The following ICE2 variants were observed in gnomAD, a reference collection of about 807,000 sequenced individuals.
ICE2 encodes the protein interactor of little elongation complex ELL subunit 2.
A neutral mutation model predicts 105.4 loss-of-function variants in ICE2; 87 were observed. That is an observed-to-expected ratio of 0.83 (90% CI 0.69 to 0.99). The LOEUF (loss-of-function observed/expected upper bound fraction) is 0.99, where lower values mean the gene tolerates loss of function less well. Among genes scored for constraint, ICE2 ranks in the 50% least tolerant of loss-of-function variants. The probability of loss-of-function intolerance (pLI) is 0.00; values close to 1 mark genes in which losing one functional copy is unlikely to be tolerated. For synonymous variants in ICE2, 399 were observed against 392.0 expected (o/e 1.02, Z -0.21); for missense variants, 1,323 against 1,146.7 (o/e 1.15, Z -2.22).
intron 15 of ICE2, among the ~76,000 whole-genome samples, chr15:60,424,445 T>C (rs1432335977): frequency 1.3e-4 from 1 of 7,420 alleles, no homozygotes; most frequent in Admixed American, 1.8e-3. Context: ...TTGCTGTGGT[T>C]CTACCTTCAA....
chr15:60,439,341 T>C (rs1212172803), intron 12 of ICE2: 1 of 152,238 alleles, frequency 6.6e-6, no homozygotes, highest in East Asian at 1.9e-4. Context: ...TGTTACCTTC[T>C]TGCACAATTT....
chr15:60,445,339 A>AC (rs1377025204), intron 11 of ICE2, among the ~76,000 whole-genome samples: 2 of 151,958 alleles, frequency 1.3e-5, no homozygotes, highest in Non-Finnish European at 2.9e-5. Flanking sequence ...CAACAATATC[A>AC]CCCCCTCACC....
intron 9 of ICE2, among the ~76,000 whole-genome samples, chr15:60,450,447 T>C (rs1310199169): frequency 6.6e-6 from 1 of 152,198 alleles, no homozygotes; most frequent in African/African-American, 2.4e-5. Context: ...AAATATTGTT[T>C]TTCATGTACT....
At chr15:60,471,323 C>G (rs1202132165) in intron 3 of ICE2, among the ~76,000 whole-genome samples, 1 of 152,180 alleles carries the variant, frequency 6.6e-6, no homozygotes, top group Non-Finnish European at 1.5e-5. Context: ...TGAACATTAA[C>G]TGCTGATCTT....
At position 60,448,089 on chromosome 15, in the gene ICE2, G is replaced by A. The variant is rs897727891; in HGVS notation, c.2176C>T (p.Gln726Ter). ...AACTTATAAACAAAATTTCCTTCCT[G>A]AGGAGCTAGGTATTCCGATGTATCT... is the stretch of plus-strand genomic sequence containing the variant. ...VEDTSEYLAP[Q>*]EGNFVYKLFS... The change falls in exon 11 of 16, where the codon CAG (glutamine) becomes TAG (stop). Residue 726 changes from glutamine to a stop codon, truncating the protein, a stop_gained. Coordinates refer to ENST00000261520, the MANE Select transcript of ICE2 (RefSeq NM_024611.6). LOFTEE classifies it high-confidence loss of function. The A allele has an allele frequency of 6.2e-7, 1 of 1,613,112 alleles. No individual in the cohort carries two copies. Among genetic ancestry groups the A allele is most frequent in the East Asian group, 2.2e-5 (1 of 44,868 alleles).
intron 14 of ICE2, among the ~76,000 whole-genome samples, chr15:60,431,495 C>T (rs551798471): frequency 1.3e-5 from 2 of 152,270 alleles, no homozygotes; most frequent in South Asian, 4.1e-4. Flanking sequence ...GAAAGAGCCA[C>T]AAGTCAACGA....
At chr15:60,438,471 T>C (rs1194761331) in intron 12 of ICE2, 2 of 152,190 alleles carry the variant, frequency 1.3e-5, no homozygotes, top group East Asian at 1.9e-4. Context: ...ACCTACTTAT[T>C]ATATGTAACA....
At position 60,423,575 on chromosome 15, in the gene ICE2, A is replaced by T; in HGVS notation, c.*59T>A. On this transcript the variant is annotated 3_prime_UTR_variant, in exon 16 of 16. Transcript: ENST00000261520. ...CTACTGATTATTTTCCCTCAAACTT[A>T]TCTAAATTAAACACTGTTATAACTG... 1 of 1,478,836 alleles carries T rather than the reference A, an allele frequency of 6.8e-7. No individual in the cohort carries two copies. The highest frequency in any genetic ancestry group is 9.0e-7 in the Non-Finnish European group (1 of 1,106,840). 91.6% of individuals were successfully genotyped at this position (1,478,836 alleles called of 1,614,324 possible).
intron 1 of ICE2, chr15:60,478,471 G>A (rs940637576): frequency 2.2e-5 from 4 of 178,244 alleles, no homozygotes; most frequent in African/African-American, 9.6e-5. Flanking sequence ...TATGACAAAA[G>A]CTACCTCGAT....
intron 13 of ICE2, among the ~76,000 whole-genome samples, chr15:60,432,567 A>G (rs1276490323): frequency 6.6e-6 from 1 of 151,554 alleles, no homozygotes; most frequent in Non-Finnish European, 1.5e-5. Flanking sequence ...TTGTAAAGAG[A>G]TCACTATTTT....
chr15:60,436,276 GAAAA>G, intron 12 of ICE2, 49 bp from the exon 13 acceptor site: 1 of 486,588 alleles, frequency 2.1e-6, no homozygotes, highest in Non-Finnish European at 3.3e-6. Context: ...GCAGTATTTA[GAAAA>G]AAAAAAAACC....
At chr15:60,473,020 T>C (rs2064649990) in intron 3 of ICE2, among the ~76,000 whole-genome samples, 2 of 152,024 alleles carry the variant, frequency 1.3e-5, no homozygotes, top group African/African-American at 4.8e-5. Context: ...CATGGCTCAC[T>C]GTAGCCTTGA....
rs1445605872 is a variant in ICE2 at position 60,449,008 on chromosome 15, A to G, written c.1959T>C (p.Asp653=). The G allele has an allele frequency of 1.9e-6, 3 of 1,613,718 alleles. No individual in the cohort carries two copies. Among genetic ancestry groups the G allele is most frequent in the Non-Finnish European group, 8.5e-7 (1 of 1,179,958 alleles). Reference sequence around the variant, plus strand: ...TTCTGGAAATTGGCTTTAAGAGCTCATCCTGCATTTTTAAAATCTCTCCAA... The same window carrying G: ...TTCTGGAAATTGGCTTTAAGAGCTCGTCCTGCATTTTTAAAATCTCTCCAA... ...DPVGEILKMQ[D]ELLKPISRKV... The change falls in exon 10 of 16, where the codon GAT becomes GAC. Residue 653 remains aspartate (D), a synonymous_variant. Coordinates refer to ENST00000261520, the MANE Select transcript of ICE2 (RefSeq NM_024611.6).
At chr15:60,450,760 T>C (rs902240242) in intron 9 of ICE2, among the ~76,000 whole-genome samples, 1 of 152,226 alleles carries the variant, frequency 6.6e-6, no homozygotes, top group Non-Finnish European at 1.5e-5. Context: ...TTGGATTTGT[T>C]CTAAAGATTA....
intron 5 of ICE2, among the ~76,000 whole-genome samples, chr15:60,464,641 G>A (rs1225974137): frequency 6.6e-6 from 1 of 152,118 alleles, no homozygotes; most frequent in Admixed American, 6.6e-5. Context: ...TCCGCAGGTG[G>A]GGGAAGAATA....
At chr15:60,453,007 G>C (rs1345238689) in intron 9 of ICE2, 16 of 945,506 alleles carry the variant, frequency 1.7e-5, no homozygotes, top group Non-Finnish European at 2.0e-5. Flanking sequence ...GAGATGGGTG[G>C]ATCACCTGAA....
intron 6 of ICE2, 91 bp downstream of exon 6, chr15:60,456,566 A>ATAT (rs1555412852): frequency 2.9e-4 from 19 of 64,600 alleles, no homozygotes; most frequent in African/African-American, 4.7e-4. Context: ...TAAATAAATA[A>ATAT]ATATATATAT....
At chr15:60,434,758 A>G (rs895427904) in intron 13 of ICE2, among the ~76,000 whole-genome samples, 1 of 152,226 alleles carries the variant, frequency 6.6e-6, no homozygotes, top group African/African-American at 2.4e-5. Flanking sequence ...GAGGCTGGGA[A>G]GGAAATGGAT....
Position 60,423,681 on chromosome 15 carries a change from G to C in ICE2, c.2902C>G (p.Gln968Glu), listed in dbSNP as rs754825507. ...GGAGCCACTCCTTCAGTTTCAACTT[G>C]CTGAGCAGGCAAGCAACTGCTTTTG... The part of the protein sequence containing the change: ...ETKSSCLPAQ[Q>E]VETEGVAPHK... The change falls in exon 16 of 16, where the codon CAA (glutamine) becomes GAA (glutamate). Residue 968 changes from glutamine to glutamate, a missense_variant. Coordinates refer to ENST00000261520, the MANE Select transcript of ICE2 (RefSeq NM_024611.6). The C allele has an allele frequency of 6.2e-7, 1 of 1,610,740 alleles. No individual in the cohort carries two copies. The highest frequency in any genetic ancestry group is 8.5e-7 in the Non-Finnish European group (1 of 1,179,380).
Sources: gnomAD v4.1 joint callset for allele counts (sites outside exome capture counted in the v4.1 genomes callset) on GRCh38, gnomAD v4.1.1 for gene constraint, MANE v1.5 for transcripts, NCBI Gene and HGNC (gene_info 2026-07-23, HGNC 2026-07-21) for gene names.